Variants in PRKAR1B observed in about 807,000 individuals in gnomAD.
PRKAR1B encodes cAMP-dependent protein kinase type I-beta regulatory subunit.
In PRKAR1B, 22 loss-of-function variants were observed where a neutral mutation model predicts 46.5. That is an observed-to-expected ratio of 0.47 (90% CI 0.34 to 0.68). The LOEUF (loss-of-function observed/expected upper bound fraction) is 0.68, where lower values mean the gene tolerates loss of function less well. Among genes scored for constraint, PRKAR1B ranks in the 30% least tolerant of loss-of-function variants. The pLI is 0.01. For missense variants in PRKAR1B, 445 were observed against 535.6 expected (o/e 0.83, Z 1.67); for synonymous variants, 259 against 217.7 (o/e 1.19, Z -1.67).
intron 4 of PRKAR1B, among the ~76,000 whole-genome samples, chr7:663,054 C>G (rs569047052): frequency 6.6e-5 from 10 of 151,398 alleles, no homozygotes; most frequent in East Asian, 1.9e-4. Context: ...CTTAGTCCCC[C>G]CTCTTCTTTG....
chr7:663,751 G>A (rs1274875850), intron 4 of PRKAR1B, among the ~76,000 whole-genome samples: 1 of 152,076 alleles, frequency 6.6e-6, no homozygotes, highest in Non-Finnish European at 1.5e-5. Context: ...GTGTTACCAC[G>A]TGCCCTCAGG....
chr7:583,164 G>A (rs1007358967), intron 8 of PRKAR1B, among the ~76,000 whole-genome samples: 1 of 151,948 alleles, frequency 6.6e-6, no homozygotes, highest in Non-Finnish European at 1.5e-5. Context: ...TAGACTCAAC[G>A]GCCCTGAAAT....
At chr7:643,040 G>A (rs900849701) in intron 4 of PRKAR1B, among the ~76,000 whole-genome samples, 6 of 151,626 alleles carry the variant, frequency 4.0e-5, no homozygotes, top group African/African-American at 1.5e-4. Flanking sequence ...GTGTACGGCA[G>A]AGCCTGGCAC....
intron 4 of PRKAR1B, among the ~76,000 whole-genome samples, chr7:628,224 A>G (rs1583321780): frequency 1.3e-5 from 2 of 152,210 alleles, no homozygotes; most frequent in Non-Finnish European, 2.9e-5. Context: ...CTCTGCGGGC[A>G]CCGGATCTGC....
chr7:673,077 A>AC (rs1554301103), intron 4 of PRKAR1B, among the ~76,000 whole-genome samples: 152 of 116,184 alleles, frequency 1.3e-3, no homozygotes, highest in African/African-American at 4.0e-3. Flanking sequence ...AAAAAAAAAA[A>AC]ACACACACAC....
rs187382242 is a variant in PRKAR1B, at chr7:716,412, G to A, written c.-22-4885C>T. 2.0e-5 allele frequency among the ~76,000 whole-genome samples: 3 copies of A among 152,122 alleles called. No homozygotes were observed. In the East Asian group the frequency reaches 5.8e-4, roughly 29 times the overall value. On this transcript the variant is annotated intron_variant, in intron 1 of 10. Transcript: ENST00000537384. Reference sequence around the variant, plus strand: ...ACCTCGCACTTCTAAACTTTGCTCTGTCAGCTCCAATTCACCCTCCAAGAT... The same window carrying A: ...ACCTCGCACTTCTAAACTTTGCTCTATCAGCTCCAATTCACCCTCCAAGAT...
At chr7:589,312 C>T (rs1308588246) in intron 7 of PRKAR1B, among the ~76,000 whole-genome samples, 1 of 151,930 alleles carries the variant, frequency 6.6e-6, no homozygotes, top group African/African-American at 2.4e-5. Flanking sequence ...CACCTTGGTC[C>T]TTGTCTGCTT....
chr7:640,024 G>T (rs532969401), intron 4 of PRKAR1B, among the ~76,000 whole-genome samples: 14 of 151,508 alleles, frequency 9.2e-5, no homozygotes, highest in African/African-American at 3.4e-4. Flanking sequence ...TTAGCCAGGC[G>T]TGGTGGCATG....
intron 9 of PRKAR1B, among the ~76,000 whole-genome samples, chr7:557,809 G>T (rs1562517110): frequency 6.6e-6 from 1 of 152,054 alleles, no homozygotes; most frequent in African/African-American, 2.4e-5. Flanking sequence ...GAGAGTCTGG[G>T]TTTTTTTGGG....
chr7:653,108 C>T (rs1278669816), intron 4 of PRKAR1B, among the ~76,000 whole-genome samples: 1 of 152,192 alleles, frequency 6.6e-6, no homozygotes, highest in East Asian at 1.9e-4. Flanking sequence ...CTTCTCCAGC[C>T]TCTCCTGGCA....
At chr7:645,187 CCCGG>C (rs1045309094) in intron 4 of PRKAR1B, among the ~76,000 whole-genome samples, 5 of 152,172 alleles carry the variant, frequency 3.3e-5, no homozygotes, top group African/African-American at 1.2e-4. Context: ...AGCATGAGAA[CCCGG>C]CCTGCAGCAC....
chr7:583,442 C>G (rs1310841601), intron 8 of PRKAR1B, among the ~76,000 whole-genome samples: 1 of 145,566 alleles, frequency 6.9e-6, no homozygotes, highest in Non-Finnish European at 1.5e-5. Flanking sequence ...ACCCACAGTG[C>G]ACACTCACAC....
chr7:604,205 G>A (rs145397239), intron 6 of PRKAR1B, among the ~76,000 whole-genome samples: 1 of 152,336 alleles, frequency 6.6e-6, no homozygotes, highest in East Asian at 1.9e-4. Flanking sequence ...ATGCCCGGCT[G>A]GGATGCTGGC....
chr7:595,943 AG>A (rs1781246241), intron 7 of PRKAR1B, among the ~76,000 whole-genome samples: 1 of 152,214 alleles, frequency 6.6e-6, no homozygotes, highest in African/African-American at 2.4e-5. Flanking sequence ...AGGACGGTGA[AG>A]GGGCCTCCCC....
chr7:695,044 A>G (rs1457819233), intron 2 of PRKAR1B, among the ~76,000 whole-genome samples: 1 of 152,050 alleles, frequency 6.6e-6, no homozygotes, highest in Non-Finnish European at 1.5e-5. Context: ...AAAAAAAAAA[A>G]AAGAACCAAG....
intron 8 of PRKAR1B, among the ~76,000 whole-genome samples, chr7:583,528 C>A (rs113492467): frequency 8.1e-6 from 1 of 123,516 alleles, no homozygotes; most frequent in African/African-American, 3.0e-5. Flanking sequence ...CGCGTGCACA[C>A]ACCCACTCAC....
chr7:718,538 G>T (rs553677297), intron 1 of PRKAR1B, among the ~76,000 whole-genome samples: 1 of 151,766 alleles, frequency 6.6e-6, no homozygotes, highest in Admixed American at 6.6e-5. Flanking sequence ...TGTATTTTTA[G>T]TAGAGACGGG....
chr7:674,881 T>C (rs777898340), intron 4 of PRKAR1B, among the ~76,000 whole-genome samples: 4 of 152,204 alleles, frequency 2.6e-5, no homozygotes, highest in Non-Finnish European at 5.9e-5. Context: ...CTGGATAAGA[T>C]AGGGTATTTC....
intron 2 of PRKAR1B, among the ~76,000 whole-genome samples, chr7:706,007 C>T (rs1780303627): frequency 1.3e-5 from 2 of 151,828 alleles, no homozygotes; most frequent in Admixed American, 1.3e-4. Context: ...GCCTGGGCAA[C>T]AAGAGTAAAA....
Sources: gnomAD v4.1 joint callset for allele counts (sites outside exome capture counted in the v4.1 genomes callset) on GRCh38, gnomAD v4.1.1 for gene constraint, MANE v1.5 for transcripts, NCBI Gene and HGNC (gene_info 2026-07-23, HGNC 2026-07-21) for gene names.